The following RPL3L variants were observed in gnomAD, a reference collection of about 807,000 sequenced individuals.
RPL3L encodes the protein ribosomal protein uL3-like.
In RPL3L, 44 loss-of-function variants were observed where a neutral mutation model predicts 44.5. The observed-to-expected ratio is 0.99, with a 90% CI of 0.78 to 1.27. The LOEUF is 1.27. Among genes scored for constraint, RPL3L ranks in the 50% most tolerant of loss-of-function variants. The probability of loss-of-function intolerance (pLI) is 0.00; values close to 1 mark genes in which losing one functional copy is unlikely to be tolerated. For missense variants in RPL3L, 631 were observed against 569.1 expected (o/e 1.11, Z -1.11); for synonymous variants, 292 against 230.7 (o/e 1.27, Z -2.41).
At chr16:1,945,757 C>T (rs957076611) in intron 8 of RPL3L, 78 bp downstream of exon 8, 16 of 1,604,586 alleles carry the variant, frequency 1.0e-5, no homozygotes, top group Middle Eastern at 1.7e-4. Context: ...CACTCCATCC[C>T]GCTCGTAGCA....
chr16:1,946,613 T>C lies in RPL3L; in HGVS notation c.951+12A>G, dbSNP rs754455023. 1.9e-6 allele frequency: 3 copies of C among 1,610,764 alleles called. No individual in the cohort carries two copies. Among genetic ancestry groups the C allele is most frequent in the African/African-American group, 2.7e-5 (2 of 74,902 alleles). ...TGTGATGGGCCTGGCAGTCGCCCCC[T>C]CCCAGCCTCACCAGCGGTGTGATGG... On this transcript the variant is annotated intron_variant, in intron 7 of 9. Transcript: ENST00000268661.
chr16:1,945,511 C>A lies in RPL3L; in HGVS notation c.1155G>T (p.Lys385Asn). The A allele has an allele frequency of 6.2e-7, 1 of 1,612,644 alleles. No homozygotes were observed. The highest frequency in any genetic ancestry group is 1.1e-5 in the South Asian group (1 of 90,790). Reference protein sequence around the residue: ...GHGRFQTAQEKRAFMGPQKKH... With the variant: ...GHGRFQTAQENRAFMGPQKKH... ...GCGGTGAGCTCACCATGAAGGCCCT[C>A]TTCTCTTGGGCTGTCTGGAAGCGGC... The change falls in exon 9 of 10, where the codon AAG (lysine) becomes AAT (asparagine). Residue 385 changes from lysine (K) to asparagine (N), a missense_variant. Transcript: ENST00000268661.
chr16:1,950,190 G>A (rs1313167341), intron 4 of RPL3L, among the ~76,000 whole-genome samples: 3 of 150,062 alleles, frequency 2.0e-5, no homozygotes, highest in Admixed American at 1.3e-4. Context: ...TGTATGGGGC[G>A]GGTATGTATG....
chr16:1,952,628 G>A (rs907596345), intron 3 of RPL3L, among the ~76,000 whole-genome samples: 3 of 151,964 alleles, frequency 2.0e-5, no homozygotes, highest in Non-Finnish European at 2.9e-5. Flanking sequence ...CACCCGCCTC[G>A]GCCTCCCAAA....
In RPL3L at chr16:1,947,598, T is replaced by C. The variant is rs1390540227; in HGVS notation, c.502-218A>G. 4.6e-5 allele frequency among the ~76,000 whole-genome samples: 7 copies of C among 152,292 alleles called. No homozygotes were observed. In the East Asian group the frequency reaches 5.8e-4, roughly 13 times the overall value. On this transcript the variant is annotated intron_variant, in intron 4 of 9. Transcript: ENST00000268661. ...CACACCTCGGGAGCCACCATCTCAC[T>C]GGGGGACAGAAGGAAACCAAGTAAC...
intron 1 of RPL3L, 60 bp downstream of exon 1, chr16:1,954,569 T>TC: frequency 6.6e-7 from 1 of 1,506,440 alleles, no homozygotes; most frequent in Non-Finnish European, 8.9e-7. Context: ...AGCCCAGCTG[T>TC]CCCACCCCCC....
chr16:1,945,323 C>A (rs2083112380), intron 9 of RPL3L, among the ~76,000 whole-genome samples, 176 bp downstream of exon 9: 1 of 148,222 alleles, frequency 6.7e-6, no homozygotes, highest in African/African-American at 2.5e-5. Context: ...GCACAGCACT[C>A]CAGCCTGGGT....
At chr16:1,950,345 A>C (rs1385859063) in intron 4 of RPL3L, among the ~76,000 whole-genome samples, 1 of 151,372 alleles carries the variant, frequency 6.6e-6, no homozygotes, top group East Asian at 1.9e-4. Flanking sequence ...CAAGTGTGCG[A>C]GCAGCTGGGG....
At chr16:1,946,763 G>A in intron 6 of RPL3L, 37 bp from the exon 7 acceptor site, 1 of 1,607,552 alleles carries the variant, frequency 6.2e-7, no homozygotes, top group East Asian at 2.2e-5. Context: ...GCAGGAAGTG[G>A]CCTCTGAGGC....
intron 4 of RPL3L, among the ~76,000 whole-genome samples, chr16:1,947,993 A>G (rs1300837618): frequency 6.9e-6 from 1 of 144,714 alleles, no homozygotes; most frequent in Non-Finnish European, 1.5e-5. Flanking sequence ...GCTGGAGTGC[A>G]ATGGCATGAT....
In RPL3L at chr16:1,944,908, G is replaced by T. The variant is rs1319400447; in HGVS notation, c.1168-15C>A. 6.2e-7 allele frequency: 1 copy of T among 1,606,534 alleles called. No homozygotes were observed. The highest frequency in any genetic ancestry group is 2.2e-5 in the East Asian group (1 of 44,458). ...TTTTGGGGGCCCTGGTTGAGAGGGTGGTGCAGGAGGAGCCTTAGTCACTCT... is the reference window on the plus strand; with the variant it reads ...TTTTGGGGGCCCTGGTTGAGAGGGTTGTGCAGGAGGAGCCTTAGTCACTCT... On this transcript the variant is annotated splice_polypyrimidine_tract_variant and intron_variant, in intron 9 of 9. Transcript: ENST00000268661.
chr16:1,950,976 G>A lies in RPL3L; in HGVS notation c.369C>T (p.His123=), dbSNP rs540319038. 2 of 1,613,648 alleles carry A rather than the reference G, an allele frequency of 1.2e-6. No homozygotes were observed. The highest frequency in any genetic ancestry group is 2.2e-5 in the South Asian group (2 of 91,084). The part of the protein sequence containing the change: ...ECRRRFYKDW[H]KSKKKAFTKA... ...TGGTGAAGGCTTTCTTCTTGCTCTTGTGCCTGAGCCATGCACAGGAGGGTG... is the reference window on the plus strand; with the variant it reads ...TGGTGAAGGCTTTCTTCTTGCTCTTATGCCTGAGCCATGCACAGGAGGGTG... Residue 123 remains histidine (H), a synonymous_variant, in exon 4 of 10, where the codon CAC becomes CAT. Coordinates refer to ENST00000268661, the MANE Select transcript of RPL3L (RefSeq NM_005061.3).
chr16:1,946,560 C>A, intron 7 of RPL3L, 65 bp downstream of exon 7: 1 of 1,542,366 alleles, frequency 6.5e-7, no homozygotes, highest in Non-Finnish European at 8.9e-7. Context: ...CCCGGCCAGC[C>A]TGACCCCACT....
chr16:1,953,075 G>T (rs1429408235), intron 2 of RPL3L, 33 bp from the exon 3 acceptor site: 1 of 1,563,980 alleles, frequency 6.4e-7, no homozygotes, highest in Admixed American at 1.8e-5. Context: ...GCATGAAGGG[G>T]GACCTCCTGA....
Position 1,952,959 on chromosome 16 carries a change from C to T in RPL3L, c.280G>A (p.Ala94Thr), listed in dbSNP as rs118144581. 5.8e-3 allele frequency: 9,307 copies of T among 1,613,618 alleles called. 33 individuals are homozygous for T. Among genetic ancestry groups the T allele is most frequent in the Non-Finnish European group, 7.2e-3 (8,546 of 1,179,876 alleles). Reference protein sequence around the residue: ...LVVVGVVGYVATPRGLRSFKT... With the variant: ...LVVVGVVGYVTTPRGLRSFKT... ...AAGCTCCGGAGACCTCGAGGGGTGGCCACGTAGCCCACCACGCCCACCACC... is the reference window on the plus strand; with the variant it reads ...AAGCTCCGGAGACCTCGAGGGGTGGTCACGTAGCCCACCACGCCCACCACC... The change falls in exon 3 of 10, where the codon GCC becomes ACC. Residue 94 changes from alanine to threonine, a missense_variant. Transcript: ENST00000268661.
rs1358011408 is a variant in RPL3L at position 1,950,993 on chromosome 16, A to G, written c.366-14T>C. Reference sequence around the variant, plus strand: ...TTGCTCTTGTGCCTGAGCCATGCACAGGAGGGTGCTCAGAAGCCCCCAACC... The same window carrying G: ...TTGCTCTTGTGCCTGAGCCATGCACGGGAGGGTGCTCAGAAGCCCCCAACC... On this transcript the variant is annotated splice_polypyrimidine_tract_variant and intron_variant, in intron 3 of 9. Coordinates refer to ENST00000268661, the MANE Select transcript of RPL3L (RefSeq NM_005061.3). 2 of 1,612,752 alleles carry G rather than the reference A, an allele frequency of 1.2e-6. No individual in the cohort carries two copies. Among genetic ancestry groups the G allele is most frequent in the Non-Finnish European group, 1.7e-6 (2 of 1,179,544 alleles).
chr16:1,945,007 T>G, intron 9 of RPL3L, 114 bp from the exon 10 acceptor site: 1 of 1,295,768 alleles, frequency 7.7e-7, no homozygotes, highest in Non-Finnish European at 1.1e-6. Context: ...CTAAGGCTGC[T>G]TCCTCCCCCA....
In RPL3L at chr16:1,947,047, C is replaced by A. The variant is rs764139595; in HGVS notation, c.740G>T (p.Gly247Val). 1 of 1,613,220 alleles carries A rather than the reference C, an allele frequency of 6.2e-7. No individual in the cohort carries two copies. The highest frequency in any genetic ancestry group is 1.3e-5 in the African/African-American group (1 of 74,946). The change falls in exon 6 of 10, where the codon GGC (glycine) becomes GTC (valine). Residue 247 changes from glycine (G) to valine (V), a missense_variant. Physicochemically the swap from Gly to Val is moderately radical, Grantham distance 109. Coordinates refer to ENST00000268661, the MANE Select transcript of RPL3L (RefSeq NM_005061.3). ...TKKLPRKTHK[G>V]LRKVACIGAW... is the part of the protein sequence containing the mutation. ...GCCAATGCAGGCCACCTTGCGCAGGCCCTTATGGGTCTTCCGCGGCAGCTT... is the reference window on the plus strand; with the variant it reads ...GCCAATGCAGGCCACCTTGCGCAGGACCTTATGGGTCTTCCGCGGCAGCTT...
At chr16:1,949,000 C>T (rs926053366) in intron 4 of RPL3L, among the ~76,000 whole-genome samples, 2 of 142,600 alleles carry the variant, frequency 1.4e-5, no homozygotes, top group Non-Finnish European at 3.0e-5. Flanking sequence ...CGTGAGCCAC[C>T]GCGCCTGGCT....
Sources: allele counts gnomAD v4.1 joint callset (sites outside exome capture counted in the v4.1 genomes callset), GRCh38; gene constraint gnomAD v4.1.1; transcripts MANE v1.5; gene names NCBI Gene and HGNC (gene_info 2026-07-23, HGNC 2026-07-21).